FAM178B: variants seen among roughly 807,000 people sequenced by gnomAD.
FAM178B encodes family with sequence similarity 178 member B.
In FAM178B, 82 loss-of-function variants were observed where a neutral mutation model predicts 91.7. The observed-to-expected ratio is 0.89, with a 90% CI of 0.75 to 1.07. The LOEUF (loss-of-function observed/expected upper bound fraction) is 1.07, where lower values mean the gene tolerates loss of function less well. Among genes scored for constraint, FAM178B ranks in the 50% least tolerant of loss-of-function variants. The pLI, the probability that FAM178B is intolerant of heterozygous loss-of-function variation, is 0.00. For synonymous variants in FAM178B, 368 were observed against 359.4 expected (o/e 1.02, Z -0.27); for missense variants, 769 against 846.7 (o/e 0.91, Z 1.14).
rs544930177 is a variant in FAM178B at position 96,877,291 on chromosome 2, A to G, written c.2007+599T>C. Among the ~76,000 whole-genome samples the G allele has an allele frequency of 4.6e-5, 7 of 152,160 alleles. 1 individual carries two copies. The East Asian group carries it at 1.4e-3, about 29-fold the overall frequency. ...CCCTTCCTGGCACTGCTCATGAAAG[A>G]CTGGCACTCTGGGTCCAGACTTTTC... On this transcript the variant is annotated intron_variant, in intron 16 of 16. Transcript: ENST00000490605.
At chr2:96,879,380 C>T (rs1303765589) in intron 14 of FAM178B, among the ~76,000 whole-genome samples, 1 of 152,180 alleles carries the variant, frequency 6.6e-6, no homozygotes, top group Non-Finnish European at 1.5e-5. Context: ...GAGCTCAGAA[C>T]CAGCCCACGG....
chr2:96,948,873 C>T (rs2081876491), intron 7 of FAM178B, among the ~76,000 whole-genome samples: 1 of 152,160 alleles, frequency 6.6e-6, no homozygotes, highest in Admixed American at 6.5e-5. Flanking sequence ...AAAGGGGTCA[C>T]CGGGCTCCAG....
intron 16 of FAM178B, among the ~76,000 whole-genome samples, chr2:96,877,004 C>T (rs1381897985): frequency 2.6e-5 from 4 of 152,160 alleles, no homozygotes; most frequent in Non-Finnish European, 4.4e-5. Flanking sequence ...GGCAAGCCAC[C>T]GAGCCTCTCA....
intron 2 of FAM178B, 79 bp from the exon 3 acceptor site, chr2:96,972,401 A>G: frequency 6.8e-7 from 1 of 1,476,582 alleles, no homozygotes; most frequent in Non-Finnish European, 9.1e-7. Context: ...GGGTAAGGAG[A>G]GCAGCAAATG....
At chr2:96,985,176 A>G (rs1406670916) in intron 1 of FAM178B, among the ~76,000 whole-genome samples, 3 of 152,212 alleles carry the variant, frequency 2.0e-5, no homozygotes, top group Non-Finnish European at 4.4e-5. Flanking sequence ...CCCCCAGTCA[A>G]ACAGGAGACA....
chr2:96,984,580 G>A (rs1257810579), intron 1 of FAM178B, among the ~76,000 whole-genome samples: 1 of 152,154 alleles, frequency 6.6e-6, no homozygotes, highest in East Asian at 1.9e-4. Flanking sequence ...CCTGCTCAGT[G>A]GGCAGCTGAC....
At chr2:96,967,463 G>C in intron 5 of FAM178B, 57 bp downstream of exon 5, 2 of 1,088,812 alleles carry the variant, frequency 1.8e-6, no homozygotes, top group Non-Finnish European at 2.7e-6. Context: ...AAACCAGAGG[G>C]GGTTGGCACC....
At position 96,921,158 on chromosome 2, in the gene FAM178B, C is replaced by T. The variant is rs2081331580; in HGVS notation, c.1562+7G>A. On this transcript the variant is annotated splice_region_variant and intron_variant, in intron 12 of 16. Coordinates refer to ENST00000490605, the MANE Select transcript of FAM178B (RefSeq NM_001122646.3). ...GAGGGAGGAGGCAGCGGGGGAGCAGCACGCACCTGCTCCGGGAGGTCATGT... is the reference window on the plus strand; with the variant it reads ...GAGGGAGGAGGCAGCGGGGGAGCAGTACGCACCTGCTCCGGGAGGTCATGT... 6.5e-7 allele frequency: 1 copy of T among 1,547,708 alleles called. No homozygotes were observed. Among genetic ancestry groups the T allele is most frequent in the Non-Finnish European group, 8.7e-7 (1 of 1,143,672 alleles).
At chr2:96,910,270 T>A (rs1368831172) in intron 12 of FAM178B, among the ~76,000 whole-genome samples, 2 of 151,914 alleles carry the variant, frequency 1.3e-5, no homozygotes, top group Non-Finnish European at 2.9e-5. Flanking sequence ...CCTCCAAAAG[T>A]CCCCATGGAG....
intron 5 of FAM178B, among the ~76,000 whole-genome samples, chr2:96,962,428 CAAGAAA>C (rs150215723): frequency 1.3e-4 from 2 of 15,392 alleles, no homozygotes; most frequent in African/African-American, 3.6e-4. Flanking sequence ...GACTTCGTCT[CAAGAAA>C]AAAAAAAAAA....
chr2:96,907,768 C>G (rs2081082730), intron 12 of FAM178B, among the ~76,000 whole-genome samples: 1 of 152,254 alleles, frequency 6.6e-6, no homozygotes, highest in African/African-American at 2.4e-5. Context: ...ACCACGTGGG[C>G]TGCTGGGATG....
intron 8 of FAM178B, among the ~76,000 whole-genome samples, chr2:96,933,718 T>C (rs527313462): frequency 1.3e-5 from 2 of 152,264 alleles, no homozygotes; most frequent in South Asian, 4.1e-4. Context: ...GTGGCTGCAC[T>C]GGGAGGGCCA....
chr2:96,883,423 G>C (rs895471616), intron 14 of FAM178B, among the ~76,000 whole-genome samples: 2 of 152,204 alleles, frequency 1.3e-5, no homozygotes, highest in African/African-American at 4.8e-5. Context: ...GAAGCCACTC[G>C]CTCTGGCCAG....
At chr2:96,940,708 C>T (rs1210747487) in intron 8 of FAM178B, among the ~76,000 whole-genome samples, 7 of 152,056 alleles carry the variant, frequency 4.6e-5, no homozygotes, top group African/African-American at 7.2e-5. Flanking sequence ...TTTTGGGGGC[C>T]ATGGAATATA....
intron 13 of FAM178B, among the ~76,000 whole-genome samples, chr2:96,897,313 T>G (rs1000603222): frequency 6.6e-6 from 1 of 152,180 alleles, no homozygotes; most frequent in Non-Finnish European, 1.5e-5. Context: ...ATCTGTCAAA[T>G]GAACAAATGA....
At chr2:96,961,094 T>A (rs2082074498) in intron 5 of FAM178B, among the ~76,000 whole-genome samples, 1 of 151,780 alleles carries the variant, frequency 6.6e-6, no homozygotes, top group Non-Finnish European at 1.5e-5. Flanking sequence ...ATTTAGTGGA[T>A]GGGAGCTGGC....
intron 14 of FAM178B, 113 bp downstream of exon 14, chr2:96,893,813 C>T: frequency 7.5e-7 from 1 of 1,334,062 alleles, no homozygotes; most frequent in Non-Finnish European, 1.0e-6. Context: ...TGGCATGGCC[C>T]TGGGGTTCTG....
chr2:96,875,903 A>T lies in FAM178B; in HGVS notation c.*373T>A, dbSNP rs1023302091. On this transcript the variant is annotated 3_prime_UTR_variant, in exon 17 of 17. Transcript: ENST00000490605. ...CCACTGATGCTGAAAGAAGACTTTA[A>T]TGTGCACAAAGAAACCTCACATTAG... 1 of 273,884 alleles carries T rather than the reference A, an allele frequency of 3.7e-6. No individual in the cohort carries two copies. The highest frequency in any genetic ancestry group is 7.0e-6 in the Non-Finnish European group (1 of 142,428). 17.0% of individuals were successfully genotyped at this position (273,884 alleles called of 1,614,324 possible).
intron 14 of FAM178B, among the ~76,000 whole-genome samples, chr2:96,888,661 G>A (rs908013454): frequency 1.3e-4 from 20 of 152,342 alleles, no homozygotes; most frequent in Admixed American, 9.1e-4. Flanking sequence ...TTACAGCAGC[G>A]GGAGCGAAGC....
Sources: allele counts gnomAD v4.1 joint callset (sites outside exome capture counted in the v4.1 genomes callset), GRCh38; gene constraint gnomAD v4.1.1; transcripts MANE v1.5; gene names NCBI Gene and HGNC (gene_info 2026-07-23, HGNC 2026-07-21).